Variants in ENPEP observed in about 807,000 individuals in gnomAD.
ENPEP encodes glutamyl aminopeptidase, also known as AP-A.
ENPEP carries 103 observed loss-of-function variants against 114.5 expected under a neutral mutation model. That is an observed-to-expected ratio of 0.90 (90% confidence interval 0.77 to 1.06). The LOEUF (loss-of-function observed/expected upper bound fraction) is 1.06. ENPEP is among the 50% of genes least tolerant of loss of function. The pLI, the probability that ENPEP is intolerant of heterozygous loss-of-function variation, is 0.00. For missense variants in ENPEP, 1,196 were observed against 1,161.3 expected (o/e 1.03, Z -0.43); for synonymous variants, 420 against 422.0 (o/e 1.00, Z 0.06).
At position 110,564,972 on chromosome 4, in the gene ENPEP, C is replaced by T. The variant is rs938341939; in HGVS notation, c.*3414C>T. On this transcript the variant is annotated 3_prime_UTR_variant, in exon 20 of 20. Transcript: ENST00000265162. Reference sequence around the variant, plus strand: ...CACATGTGCTGTAAATGAGAAATACCCCTTTGTTATTGTAAATCACTGAGA... The same window carrying T: ...CACATGTGCTGTAAATGAGAAATACTCCTTTGTTATTGTAAATCACTGAGA... 2.0e-5 allele frequency: 3 copies of T among 152,066 alleles called. No homozygotes were observed. Among genetic ancestry groups the T allele is most frequent in the Non-Finnish European group, 4.4e-5 (3 of 68,014 alleles). 9.4% of individuals were successfully genotyped at this position (152,066 alleles called of 1,614,324 possible).
rs757464988 is a variant in ENPEP, at chr4:110,491,067, C to A, written c.821C>A (p.Thr274Lys). The change falls in exon 3 of 20, where the codon ACA becomes AAA. Residue 274 changes from threonine to lysine, a missense_variant. Coordinates refer to ENST00000265162, the MANE Select transcript of ENPEP (RefSeq NM_001977.4). ...EESVDDKWTRTTFEKSVPMST... is the reference protein window; with the variant it reads ...EESVDDKWTRKTFEKSVPMST... Reference sequence around the variant, plus strand: ...TCAGTGGATGATAAATGGACTCGAACAACTTTTGAGAAGTCTGTCCCCATG... The same window carrying A: ...TCAGTGGATGATAAATGGACTCGAAAAACTTTTGAGAAGTCTGTCCCCATG... 5.6e-5 allele frequency: 91 copies of A among 1,611,760 alleles called. No individual in the cohort carries two copies. Among genetic ancestry groups the A allele is most frequent in the Non-Finnish European group, 7.4e-5 (87 of 1,179,628 alleles).
chr4:110,557,463 A>G (rs1727520883), intron 18 of ENPEP, among the ~76,000 whole-genome samples: 1 of 152,240 alleles, frequency 6.6e-6, no homozygotes, highest in Non-Finnish European at 1.5e-5. Flanking sequence ...ATAAGGGAAC[A>G]GAGGTTTTTA....
In ENPEP at chr4:110,506,705, GT is replaced by G; in HGVS notation, c.990del (p.Phe330LeufsTer10). The G allele has an allele frequency of 6.2e-7, 1 of 1,610,398 alleles. No homozygotes were observed. The highest frequency in any genetic ancestry group is 8.5e-7 in the Non-Finnish European group (1 of 1,177,448). The stretch of plus-strand genomic sequence containing the variant: ...ATGCTGCAAACATAACTAAAAGTGT[GT>G]TTGATTATTTTGAAGAATACTTTGC... ...EYAANITKSVFDYFEEYFAMN... is the reference protein window; with the variant it reads ...EYAANITKSVXDYFEEYFAMN... On this transcript the variant is annotated frameshift_variant, in exon 4 of 20. Transcript: ENST00000265162. LOFTEE classifies it high-confidence loss of function.
At chr4:110,508,881 A>C (rs1048142391) in intron 4 of ENPEP, among the ~76,000 whole-genome samples, 2 of 152,234 alleles carry the variant, frequency 1.3e-5, no homozygotes, top group Admixed American at 1.3e-4. Context: ...GTGAAAAATC[A>C]ATTTGTTTTC....
At chr4:110,537,937 C>A (rs1413401495) in intron 11 of ENPEP, among the ~76,000 whole-genome samples, 1 of 152,170 alleles carries the variant, frequency 6.6e-6, no homozygotes, top group Non-Finnish European at 1.5e-5. Context: ...TTTTGGTGAG[C>A]AGCAGGTCTC....
Position 110,515,436 on chromosome 4 carries a change from A to G in ENPEP, c.1503A>G (p.Gly501=). ...DWIKPENFQK[G]CQMYLEKYQF... ...TAAAACCAGAGAATTTTCAAAAAGGATGTCAGGTATGATTTATTACTTTTA... is the reference window on the plus strand; with the variant it reads ...TAAAACCAGAGAATTTTCAAAAAGGGTGTCAGGTATGATTTATTACTTTTA... The change falls in exon 8 of 20, where the codon GGA becomes GGG. Residue 501 remains glycine (G), a synonymous_variant. Coordinates refer to ENST00000265162, the MANE Select transcript of ENPEP (RefSeq NM_001977.4). 2 of 1,592,444 alleles carry G rather than the reference A, an allele frequency of 1.3e-6. No homozygotes were observed. Among genetic ancestry groups the G allele is most frequent in the Non-Finnish European group, 1.7e-6 (2 of 1,173,726 alleles).
intron 13 of ENPEP, 146 bp from the exon 14 acceptor site, chr4:110,548,030 C>A: frequency 1.1e-6 from 1 of 935,744 alleles, no homozygotes; most frequent in Non-Finnish European, 1.4e-6. Flanking sequence ...CCAATAAATG[C>A]AATTTCTTGA....
intron 6 of ENPEP, 35 bp from the exon 7 acceptor site, chr4:110,513,380 A>T: frequency 6.3e-7 from 1 of 1,592,314 alleles, no homozygotes; most frequent in Non-Finnish European, 8.5e-7. Context: ...TATAAAGGAA[A>T]TACTATATTC....
intron 3 of ENPEP, among the ~76,000 whole-genome samples, chr4:110,491,677 T>A (rs12503640): frequency 0.56 from 85,031 of 150,986 alleles, 24,104 homozygotes; most frequent in East Asian, 0.68. Context: ...AAGCTTTTTT[T>A]AAAAATATCA....
chr4:110,480,271 T>G (rs1724260688), intron 1 of ENPEP, among the ~76,000 whole-genome samples: 1 of 152,198 alleles, frequency 6.6e-6, no homozygotes, highest in Non-Finnish European at 1.5e-5. Context: ...TGGAATACTT[T>G]TTGTTATCCT....
intron 3 of ENPEP, among the ~76,000 whole-genome samples, chr4:110,501,007 C>A (rs946626233): frequency 6.6e-6 from 1 of 152,104 alleles, no homozygotes; most frequent in African/African-American, 2.4e-5. Flanking sequence ...ATCACCAAAT[C>A]CAAGCATCAC....
At chr4:110,540,852 T>C (rs1022265260) in intron 11 of ENPEP, among the ~76,000 whole-genome samples, 3 of 152,176 alleles carry the variant, frequency 2.0e-5, no homozygotes, top group Non-Finnish European at 2.9e-5. Context: ...TGTTATCTTA[T>C]TTAATCTTCA....
chr4:110,542,851 GGACT>G lies in ENPEP; in HGVS notation c.1909_1912del (p.Asp637ArgfsTer2), dbSNP rs756652885. ...GTGTAAATTATGAAGTAGCAACTTG[GGACT>G]CGATAGCTACAGCGCTCTCCTTGAA... On this transcript the variant is annotated frameshift_variant, in exon 12 of 20. Transcript: ENST00000265162. LOFTEE classifies it high-confidence loss of function. 10 of 1,613,040 alleles carry G rather than the reference GGACT, an allele frequency of 6.2e-6. No individual in the cohort carries two copies. The highest frequency in any genetic ancestry group is 2.5e-6 in the Non-Finnish European group (3 of 1,179,370).
chr4:110,541,908 A>C (rs1489431048), intron 11 of ENPEP, among the ~76,000 whole-genome samples: 2 of 152,150 alleles, frequency 1.3e-5, no homozygotes, highest in Non-Finnish European at 2.9e-5. Context: ...TGGTTATATC[A>C]AAGCATAGCT....
chr4:110,491,264 C>T (rs1430532412), intron 3 of ENPEP, 100 bp downstream of exon 3: 4 of 1,165,210 alleles, frequency 3.4e-6, no homozygotes, highest in Non-Finnish European at 3.5e-6. Context: ...AAACAACATG[C>T]CTGAAAAGCC....
intron 11 of ENPEP, among the ~76,000 whole-genome samples, chr4:110,535,555 C>T (rs1021718497): frequency 6.6e-6 from 1 of 152,142 alleles, no homozygotes; most frequent in Non-Finnish European, 1.5e-5. Context: ...GGAAGATCTA[C>T]TTATCTAAAC....
intron 7 of ENPEP, 114 bp downstream of exon 7, chr4:110,513,663 G>C: frequency 3.0e-6 from 4 of 1,314,542 alleles, no homozygotes; most frequent in Non-Finnish European, 4.2e-6. Context: ...TTGGAAAACA[G>C]TGTAGAAGTT....
intron 18 of ENPEP, among the ~76,000 whole-genome samples, chr4:110,554,720 T>C (rs988438382): frequency 6.6e-6 from 1 of 152,100 alleles, no homozygotes; most frequent in South Asian, 2.1e-4. Context: ...TGGCTAGTGA[T>C]AAATACTGCA....
Position 110,531,192 on chromosome 4 carries a change from T to A in ENPEP, c.1728-6T>A, listed in dbSNP as rs201601563. On this transcript the variant is annotated splice_region_variant and splice_polypyrimidine_tract_variant and intron_variant, in intron 10 of 19. Coordinates refer to ENST00000265162, the MANE Select transcript of ENPEP (RefSeq NM_001977.4). ...AGTTAAATTTTTCTTTTTAAAAAAA[T>A]TTTAGTTATACATGGAATATCCCAG... 152 of 1,435,900 alleles carry A rather than the reference T, an allele frequency of 1.1e-4. No individual in the cohort carries two copies. In the African/African-American group the frequency reaches 1.8e-3, roughly 17 times the overall value. 88.9% of individuals were successfully genotyped at this position (1,435,900 alleles called of 1,614,324 possible).
Sources: gnomAD v4.1 joint callset for allele counts (sites outside exome capture counted in the v4.1 genomes callset) on GRCh38, gnomAD v4.1.1 for gene constraint, MANE v1.5 for transcripts, NCBI Gene and HGNC (gene_info 2026-07-23, HGNC 2026-07-21) for gene names.